Variants in RHBDL3 observed in about 807,000 individuals in gnomAD.
RHBDL3 encodes rhomboid-related protein 3.
Under a neutral mutation model 48.2 loss-of-function variants are expected in RHBDL3, and 28 were observed. The ratio of observed to expected loss-of-function variants is 0.58; its 90% CI spans 0.43 to 0.80. The LOEUF (loss-of-function observed/expected upper bound fraction) is 0.80, where lower values mean the gene tolerates loss of function less well. Ranked by LOEUF, RHBDL3 falls within the 30% of genes least tolerant of loss-of-function variation. The probability of loss-of-function intolerance (pLI) is 0.00; values close to 1 mark genes in which losing one functional copy is unlikely to be tolerated. For synonymous variants in RHBDL3, 208 were observed against 232.3 expected (o/e 0.90, Z 0.95); for missense variants, 464 against 542.7 (o/e 0.85, Z 1.44).
At chr17:32,277,573 TC>T (rs747334977) in intron 2 of RHBDL3, among the ~76,000 whole-genome samples, 8 of 152,160 alleles carry the variant, frequency 5.3e-5, no homozygotes, top group Non-Finnish European at 1.0e-4. Context: ...AGGCCTGGTG[TC>T]CCCAGTCAAC....
intron 8 of RHBDL3, among the ~76,000 whole-genome samples, chr17:32,320,465 G>A (rs1484357696): frequency 6.6e-5 from 10 of 151,980 alleles, no homozygotes; most frequent in Admixed American, 3.3e-4. Context: ...CTGGGATTAC[G>A]GGAGCCCACC....
chr17:32,276,747 A>G (rs9747474), intron 2 of RHBDL3, among the ~76,000 whole-genome samples: 1,454 of 41,094 alleles, frequency 0.035, 86 homozygotes, highest in African/African-American at 0.14. Flanking sequence ...ACCTTACTCC[A>G]GCCCTAGCAC....
chr17:32,294,298 C>T lies in RHBDL3; in HGVS notation c.524C>T (p.Ala175Val). 6.2e-7 allele frequency: 1 copy of T among 1,613,688 alleles called. No individual in the cohort carries two copies. The highest frequency in any genetic ancestry group is 8.5e-7 in the Non-Finnish European group (1 of 1,179,820). The change falls in exon 5 of 9, where the codon GCC (alanine) becomes GTC (valine). Residue 175 changes from alanine to valine, a missense_variant. Ala to Val is a moderately conservative substitution (Grantham distance 64). Coordinates refer to ENST00000269051, the MANE Select transcript of RHBDL3 (RefSeq NM_138328.3). Reference protein sequence around the residue: ...FMITVTLLEVAFFLYNGVSLG... With the variant: ...FMITVTLLEVVFFLYNGVSLG... ...GACTCTCTCTCTTCTGTCCAGGTTG[C>T]CTTTTTCCTCTACAATGGGGTGTCA...
intron 3 of RHBDL3, among the ~76,000 whole-genome samples, chr17:32,287,960 A>G (rs572113388): frequency 8.5e-5 from 13 of 152,338 alleles, no homozygotes; most frequent in African/African-American, 3.1e-4. Flanking sequence ...AGCTCTACCC[A>G]GTATGTGTCA....
At chr17:32,271,463 T>C (rs1350093506) in intron 2 of RHBDL3, among the ~76,000 whole-genome samples, 5 of 152,228 alleles carry the variant, frequency 3.3e-5, no homozygotes, top group Non-Finnish European at 7.3e-5. Flanking sequence ...GGGTTATGCT[T>C]TGATAGTCTT....
chr17:32,268,014 C>A (rs972456666), intron 2 of RHBDL3, 89 bp downstream of exon 2: 1 of 992,172 alleles, frequency 1.0e-6, no homozygotes, highest in African/African-American at 1.6e-5. Context: ...CCTAGCTCCG[C>A]GCTCCTGAGA....
In RHBDL3 at chr17:32,305,408, T is replaced by C; in HGVS notation, c.849T>C (p.Ala283=). The C allele has an allele frequency of 6.2e-7, 1 of 1,613,606 alleles. No individual in the cohort carries two copies. Among genetic ancestry groups the C allele is most frequent in the Non-Finnish European group, 8.5e-7 (1 of 1,179,590 alleles). ...PVVGSSGGVY[A]LVSAHLANIV... is the part of the protein sequence containing the mutation. ...TGGGCTCTTCTGGAGGGGTGTATGC[T>C]CTCGTCTCTGCCCATCTGGCCAACA... Residue 283 remains alanine, a synonymous_variant, in exon 7 of 9, where the codon GCT becomes GCC. Coordinates refer to ENST00000269051, the MANE Select transcript of RHBDL3 (RefSeq NM_138328.3).
intron 2 of RHBDL3, among the ~76,000 whole-genome samples, chr17:32,280,210 A>C (rs1221291404): frequency 6.6e-6 from 1 of 152,058 alleles, no homozygotes; most frequent in Non-Finnish European, 1.5e-5. Flanking sequence ...CTGGGCCCCT[A>C]CGGCCCATTC....
chr17:32,319,709 C>G (rs1398012475), intron 8 of RHBDL3, among the ~76,000 whole-genome samples: 3 of 152,174 alleles, frequency 2.0e-5, no homozygotes, highest in Admixed American at 1.3e-4. Flanking sequence ...TCTGGCACCC[C>G]CTGCAGTGGT....
At chr17:32,312,206 A>C (rs2040861868) in intron 7 of RHBDL3, among the ~76,000 whole-genome samples, 1 of 151,992 alleles carries the variant, frequency 6.6e-6, no homozygotes, top group South Asian at 2.1e-4. Flanking sequence ...GAGGCCGAGG[A>C]AGGTGAATTG....
At chr17:32,282,543 G>A (rs148608395) in intron 2 of RHBDL3, among the ~76,000 whole-genome samples, 1 of 152,330 alleles carries the variant, frequency 6.6e-6, no homozygotes, top group African/African-American at 2.4e-5. Context: ...CCCAGCCTGG[G>A]TGACAAGAGT....
rs1363354987 is a variant in RHBDL3, at chr17:32,321,532, C to T, written c.*303C>T. 7.0e-6 allele frequency: 4 copies of T among 570,908 alleles called. No homozygotes were observed. The highest frequency in any genetic ancestry group is 1.2e-5 in the Non-Finnish European group (4 of 333,494). 35.4% of individuals were successfully genotyped at this position (570,908 alleles called of 1,614,324 possible). The stretch of plus-strand genomic sequence containing the variant: ...TCCCTCACCTGGGCTGGGCTTCTTC[C>T]ATGGGGCCAGGGGGTGCCCCCTCAC... On this transcript the variant is annotated 3_prime_UTR_variant, in exon 9 of 9. Coordinates refer to ENST00000269051, the MANE Select transcript of RHBDL3 (RefSeq NM_138328.3).
At chr17:32,319,092 G>A (rs1456382115) in intron 8 of RHBDL3, among the ~76,000 whole-genome samples, 1 of 151,544 alleles carries the variant, frequency 6.6e-6, no homozygotes, top group Non-Finnish European at 1.5e-5. Context: ...TCGTTTTTGA[G>A]GAAGGAAAGA....
Position 32,309,482 on chromosome 17 carries a change from G to A in RHBDL3, c.882+4041G>A, listed in dbSNP as rs573414909. On this transcript the variant is annotated intron_variant, in intron 7 of 8. Coordinates refer to ENST00000269051, the MANE Select transcript of RHBDL3 (RefSeq NM_138328.3). Reference sequence around the variant, plus strand: ...CAGGAGAATTGTTTGAACCCAGGAGGTGGAGGTTGTGGTGAGCCGAGATCA... The same window carrying A: ...CAGGAGAATTGTTTGAACCCAGGAGATGGAGGTTGTGGTGAGCCGAGATCA... 4.5e-4 allele frequency among the ~76,000 whole-genome samples: 68 copies of A among 152,082 alleles called. 2 individuals carry two copies. In the Middle Eastern group the frequency reaches 0.031, roughly 68 times the overall value.
At chr17:32,307,792 C>T (rs1393560768) in intron 7 of RHBDL3, among the ~76,000 whole-genome samples, 4 of 152,168 alleles carry the variant, frequency 2.6e-5, no homozygotes, top group South Asian at 2.1e-4. Flanking sequence ...AGTGCCACAT[C>T]TTTCCCCAGA....
At chr17:32,319,614 C>T (rs1429629770) in intron 8 of RHBDL3, among the ~76,000 whole-genome samples, 2 of 152,118 alleles carry the variant, frequency 1.3e-5, no homozygotes, top group Non-Finnish European at 2.9e-5. Context: ...TGCGCCTTTT[C>T]TGCCATCTAT....
rs4795690 is a variant in RHBDL3, at chr17:32,298,186, G to A, written c.763G>A (p.Val255Met). 280,178 of 1,611,752 alleles carry A rather than the reference G, an allele frequency of 0.17. 28,034 individuals carry two copies. The highest frequency in any genetic ancestry group is 0.39 in the East Asian group (17,680 of 44,818). Reference protein sequence around the residue: ...HGATRIGLVYVAGVVAGSLAV... With the variant: ...HGATRIGLVYMAGVVAGSLAV... ...AGCCACCCGAATTGGGCTTGTCTACGTGGCCGGTGTTGTGGCAGGTAGGCA... is the reference window on the plus strand; with the variant it reads ...AGCCACCCGAATTGGGCTTGTCTACATGGCCGGTGTTGTGGCAGGTAGGCA... The change falls in exon 6 of 9, where the codon GTG becomes ATG. Residue 255 changes from valine to methionine, a missense_variant. Physicochemically the swap from Val to Met is conservative, Grantham distance 21. Coordinates refer to ENST00000269051, the MANE Select transcript of RHBDL3 (RefSeq NM_138328.3).
chr17:32,266,562 GC>G (rs1324841570), intron 1 of RHBDL3, among the ~76,000 whole-genome samples: 1 of 152,130 alleles, frequency 6.6e-6, no homozygotes. Flanking sequence ...CACCGCCGGA[GC>G]CCCCTCCCCG....
At chr17:32,276,455 A>C (rs541491714) in intron 2 of RHBDL3, among the ~76,000 whole-genome samples, 2 of 152,158 alleles carry the variant, frequency 1.3e-5, no homozygotes, top group African/African-American at 2.4e-5. Context: ...GTAAATATCC[A>C]TGAAAGGGCC....
Sources: allele counts gnomAD v4.1 joint callset (sites outside exome capture counted in the v4.1 genomes callset), GRCh38; gene constraint gnomAD v4.1.1; transcripts MANE v1.5; gene names NCBI Gene and HGNC (gene_info 2026-07-23, HGNC 2026-07-21).